Variants in ARHGEF37 observed in about 807,000 individuals in gnomAD.
ARHGEF37 encodes the protein Rho guanine nucleotide exchange factor (GEF) 37.
A neutral mutation model predicts 71.1 loss-of-function variants in ARHGEF37; 55 were observed. That is an observed-to-expected ratio of 0.77 (90% confidence interval 0.62 to 0.97). The LOEUF (loss-of-function observed/expected upper bound fraction) is 0.97, where lower values mean the gene tolerates loss of function less well. Among genes scored for constraint, ARHGEF37 ranks in the 50% least tolerant of loss-of-function variants. The pLI is 0.00. For missense variants in ARHGEF37, 765 were observed against 836.8 expected (o/e 0.91, Z 1.06); for synonymous variants, 327 against 350.6 (o/e 0.93, Z 0.75).
intron 1 of ARHGEF37, among the ~76,000 whole-genome samples, chr5:149,564,499 C>T (rs1407559409): frequency 6.6e-6 from 1 of 152,086 alleles, no homozygotes; most frequent in Admixed American, 6.6e-5. Context: ...GGAAACTGCT[C>T]ATCTCTTTCA....
In ARHGEF37 at chr5:149,604,418, T is replaced by A. The variant is rs373111107; in HGVS notation, c.310+3187T>A. Among the ~76,000 whole-genome samples, 31 of 152,356 alleles carry A rather than the reference T, an allele frequency of 2.0e-4. No individual in the cohort carries two copies. The South Asian group carries it at 3.9e-3, about 19-fold the overall frequency. On this transcript the variant is annotated intron_variant, in intron 3 of 12. Coordinates refer to ENST00000333677, the MANE Select transcript of ARHGEF37 (RefSeq NM_001001669.3). ...AATTCAAATTTAACAGAGCATCCTG[T>A]ATTCCTCTCTCCCCTGCAACTTTGG...
chr5:149,602,112 A>G (rs1177608372), intron 3 of ARHGEF37, among the ~76,000 whole-genome samples: 1 of 149,544 alleles, frequency 6.7e-6, no homozygotes, highest in African/African-American at 2.5e-5. Flanking sequence ...GCTCGAGTGC[A>G]GCGGCATGAT....
intron 1 of ARHGEF37, among the ~76,000 whole-genome samples, chr5:149,575,621 C>T (rs1763017930): frequency 6.6e-6 from 1 of 150,458 alleles, no homozygotes; most frequent in Non-Finnish European, 1.5e-5. Context: ...TTCTGTTGGA[C>T]ATTGTAGTTT....
intron 2 of ARHGEF37, 112 bp from the exon 3 acceptor site, chr5:149,600,996 T>A: frequency 7.9e-7 from 1 of 1,265,862 alleles, no homozygotes; most frequent in Non-Finnish European, 1.1e-6. Context: ...GGGCAGCCAA[T>A]CTTCTCAGGA....
Position 149,632,474 on chromosome 5 carries a change from T to G in ARHGEF37, c.*283T>G. On this transcript the variant is annotated 3_prime_UTR_variant, in exon 13 of 13. Coordinates refer to ENST00000333677, the MANE Select transcript of ARHGEF37 (RefSeq NM_001001669.3). ...ACTTGGACAGCAGGTCACAGCTGAT[T>G]GGCCAGGACTCTCCATAGGTTATGG... 2.3e-6 allele frequency: 1 copy of G among 443,280 alleles called. No homozygotes were observed. The highest frequency in any genetic ancestry group is 4.2e-6 in the Non-Finnish European group (1 of 239,586). The allele number at this position is 443,280 out of a possible 1,614,324, so 27.5% of individuals were successfully genotyped here. A position where few individuals can be genotyped will look rare whatever the true frequency, so the allele number is the denominator to read the frequency against.
chr5:149,619,354 G>A (rs1752469672), intron 7 of ARHGEF37, among the ~76,000 whole-genome samples: 1 of 152,202 alleles, frequency 6.6e-6, no homozygotes, highest in Non-Finnish European at 1.5e-5. Context: ...GCCTAAAGGG[G>A]CCAGGCAGGT....
chr5:149,556,032 A>G (rs978253571), intron 1 of ARHGEF37, among the ~76,000 whole-genome samples: 5 of 152,182 alleles, frequency 3.3e-5, no homozygotes, highest in Non-Finnish European at 7.3e-5. Flanking sequence ...GGTCACTGGT[A>G]TCCAGAATGT....
intron 11 of ARHGEF37, among the ~76,000 whole-genome samples, chr5:149,628,398 C>A (rs1179205286): frequency 1.3e-5 from 2 of 152,216 alleles, no homozygotes; most frequent in African/African-American, 2.4e-5. Flanking sequence ...CATAAAGGAA[C>A]TGGGCTCACA....
At chr5:149,559,506 T>TATTC (rs1762800860) in intron 1 of ARHGEF37, among the ~76,000 whole-genome samples, 1 of 152,194 alleles carries the variant, frequency 6.6e-6, no homozygotes, top group Admixed American at 6.5e-5. Context: ...CCTCGTTGAG[T>TATTC]ATTCTGGTTG....
chr5:149,564,154 G>A (rs937816986), intron 1 of ARHGEF37, among the ~76,000 whole-genome samples: 4 of 151,598 alleles, frequency 2.6e-5, no homozygotes, highest in South Asian at 2.1e-4. Context: ...ACAGGGTTTC[G>A]CTGTGTTGAC....
chr5:149,620,072 C>CAA (rs10716197), intron 7 of ARHGEF37, among the ~76,000 whole-genome samples: 14 of 99,862 alleles, frequency 1.4e-4, no homozygotes, highest in African/African-American at 2.4e-4. Flanking sequence ...GACTCTGTCT[C>CAA]AAAAAAAAAA....
intron 9 of ARHGEF37, 47 bp from the exon 10 acceptor site, chr5:149,623,965 T>C (rs1461593953): frequency 3.2e-6 from 5 of 1,548,040 alleles, no homozygotes; most frequent in Non-Finnish European, 4.4e-6. Flanking sequence ...AGGGATCTCA[T>C]TGTCCCCTCT....
chr5:149,631,915 C>G, intron 12 of ARHGEF37, 67 bp from the exon 13 acceptor site: 1 of 1,536,466 alleles, frequency 6.5e-7, no homozygotes, highest in Non-Finnish European at 8.9e-7. Flanking sequence ...GATAAACAGC[C>G]TCTCTGGATC....
At chr5:149,575,667 G>T (rs1355455313) in intron 1 of ARHGEF37, among the ~76,000 whole-genome samples, 3 of 140,068 alleles carry the variant, frequency 2.1e-5, no homozygotes, top group Non-Finnish European at 3.0e-5. Context: ...GCAACCAAAT[G>T]ACTATTTTTT....
intron 4 of ARHGEF37, among the ~76,000 whole-genome samples, chr5:149,612,414 A>G (rs866907991): frequency 2.7e-4 from 41 of 152,282 alleles, no homozygotes; most frequent in Admixed American, 9.2e-4. Flanking sequence ...TGATCCGCCC[A>G]CCTCGGCCTC....
intron 1 of ARHGEF37, among the ~76,000 whole-genome samples, chr5:149,560,305 A>C (rs1377495467): frequency 6.6e-6 from 1 of 152,022 alleles, no homozygotes; most frequent in Admixed American, 6.6e-5. Flanking sequence ...AGTAGAGACG[A>C]GGTTCTCCAT....
At chr5:149,554,802 G>A (rs1265407053) in intron 1 of ARHGEF37, among the ~76,000 whole-genome samples, 1 of 152,090 alleles carries the variant, frequency 6.6e-6, no homozygotes, top group African/African-American at 2.4e-5. Flanking sequence ...AAATCATTCT[G>A]TACTTATTGA....
intron 4 of ARHGEF37, among the ~76,000 whole-genome samples, chr5:149,614,976 C>T (rs1327740040): frequency 1.3e-5 from 2 of 152,104 alleles, no homozygotes; most frequent in Non-Finnish European, 2.9e-5. Context: ...CCAATCTGGG[C>T]CTAGGGGCTA....
At chr5:149,566,036 A>G (rs906954709) in intron 1 of ARHGEF37, among the ~76,000 whole-genome samples, 7 of 150,478 alleles carry the variant, frequency 4.7e-5, no homozygotes, top group Admixed American at 4.6e-4. Context: ...AGTAGAGACA[A>G]TGTTTCACCA....
Sources: allele counts gnomAD v4.1 joint callset (sites outside exome capture counted in the v4.1 genomes callset), GRCh38; gene constraint gnomAD v4.1.1; transcripts MANE v1.5; gene names NCBI Gene and HGNC (gene_info 2026-07-23, HGNC 2026-07-21).